FBXL13: variants seen among roughly 807,000 people sequenced by gnomAD.
FBXL13 encodes the protein F-box and leucine rich repeat protein 13, also known as F-box and leucine-rich repeat protein 13.
FBXL13 carries 67 observed loss-of-function variants against 83.6 expected under a neutral mutation model. That is an observed-to-expected ratio of 0.80 (90% CI 0.66 to 0.98). The LOEUF is 0.98. FBXL13 is among the 50% of genes least tolerant of loss of function. FBXL13 has a pLI of 0.00. For missense variants in FBXL13, 822 were observed against 866.5 expected, an observed-to-expected ratio of 0.95 and a Z score of 0.64; for synonymous variants, 272 against 299.5, an observed-to-expected ratio of 0.91 and a Z score of 0.95.
chr7:102,904,562 T>C (rs1171235010), intron 11 of FBXL13, among the ~76,000 whole-genome samples: 1 of 152,068 alleles, frequency 6.6e-6, no homozygotes, highest in Non-Finnish European at 1.5e-5. Flanking sequence ...TGATCTTTTT[T>C]TGTTGTCATT....
intron 18 of FBXL13, among the ~76,000 whole-genome samples, chr7:102,825,230 A>G (rs911264028): frequency 2.6e-5 from 4 of 152,300 alleles, no homozygotes; most frequent in Non-Finnish European, 5.9e-5. Context: ...ACTTAACCCA[A>G]GATGTGGCAG....
intron 11 of FBXL13, among the ~76,000 whole-genome samples, chr7:102,898,801 G>A (rs1812605013): frequency 6.6e-6 from 1 of 152,150 alleles, no homozygotes. Context: ...TGTGACTAAT[G>A]GTGAGAAACC....
exon 15 of FBXL13, chr7:102,878,342 T>C: frequency 6.2e-7 from 1 of 1,603,506 alleles, no homozygotes; most frequent in Non-Finnish European, 8.5e-7. Context: ...GCTCAGATAG[T>C]TTCATAACAG....
chr7:102,845,103 T>G (rs1182354183), intron 17 of FBXL13, among the ~76,000 whole-genome samples: 1 of 152,076 alleles, frequency 6.6e-6, no homozygotes, highest in Non-Finnish European at 1.5e-5. Context: ...GGGGGCTTCG[T>G]CATATAGACA....
At chr7:102,834,983 C>A (rs1801622836) in intron 17 of FBXL13, among the ~76,000 whole-genome samples, 1 of 150,142 alleles carries the variant, frequency 6.7e-6, no homozygotes, top group South Asian at 2.1e-4. Flanking sequence ...AAATTTTAAG[C>A]CATTAAAAAG....
At chr7:102,930,851 G>T (rs1317362445) in intron 9 of FBXL13, among the ~76,000 whole-genome samples, 45 of 152,128 alleles carry the variant, frequency 3.0e-4, no homozygotes, top group Non-Finnish European at 5.9e-5. Flanking sequence ...AGTCAATGTT[G>T]TCCATTGCCT....
intron 11 of FBXL13, among the ~76,000 whole-genome samples, chr7:102,891,300 C>T (rs1375824141): frequency 1.3e-5 from 2 of 152,184 alleles, no homozygotes; most frequent in Non-Finnish European, 2.9e-5. Flanking sequence ...ATTCACTACG[C>T]ACTTCTTGCT....
intron 10 of FBXL13, 41 bp from the exon 12 acceptor site, chr7:102,913,256 G>C: frequency 6.2e-7 from 1 of 1,609,966 alleles, no homozygotes; most frequent in Non-Finnish European, 8.5e-7. Flanking sequence ...TTATACTTCC[G>C]TTGTTCTCTC....
chr7:102,822,180 C>G (rs765102699), exon 19 of FBXL13: 1 of 1,614,122 alleles, frequency 6.2e-7, no homozygotes, highest in Non-Finnish European at 8.5e-7. Context: ...TTGCCGATAA[C>G]ATCTCCATTG....
chr7:103,062,949 C>A (rs922119949), intron 1 of FBXL13, among the ~76,000 whole-genome samples: 1 of 152,140 alleles, frequency 6.6e-6, no homozygotes, highest in African/African-American at 2.4e-5. Context: ...CTAGTGTATC[C>A]CCCTCAGCTG....
chr7:102,865,194 T>G (rs995392693), intron 16 of FBXL13, among the ~76,000 whole-genome samples: 1 of 152,264 alleles, frequency 6.6e-6, no homozygotes, highest in African/African-American at 2.4e-5. Context: ...TGGCATACTC[T>G]CAGAATTTTT....
rs200693598 is a variant in FBXL13 at position 102,969,854 on chromosome 7, GGAAAAGAAAA to G, written c.496-1747_496-1738del. 4.1e-3 allele frequency among the ~76,000 whole-genome samples: 555 copies of G among 135,256 alleles called. 9 individuals are homozygous for G. Among genetic ancestry groups the G allele is most frequent in the Admixed American group, 0.029 (380 of 12,914 alleles). 88.7% of individuals were successfully genotyped at this position (135,256 alleles called of 152,430 possible). A position where few individuals can be genotyped will look rare whatever the true frequency, so the allele number is the denominator to read the frequency against. On this transcript the variant is annotated intron_variant, in intron 6 of 19. Transcript: ENST00000313221. ...GGGAGGGGAGGGGAGGGGAGGGGAGGGAAAAGAAAAGAAAAGAAAAGGAAAGAAAAGAAAA... is the reference window on the plus strand; with the variant it reads ...GGGAGGGGAGGGGAGGGGAGGGGAGGGAAAAGAAAAGGAAAGAAAAGAAAA...
At chr7:102,834,405 TTA>T (rs1028276155) in intron 17 of FBXL13, among the ~76,000 whole-genome samples, 17 of 146,412 alleles carry the variant, frequency 1.2e-4, no homozygotes, top group African/African-American at 2.2e-4. Flanking sequence ...TTATATGCGA[TTA>T]TATATATATT....
chr7:102,972,743 A>G (rs1826870737), intron 6 of FBXL13, among the ~76,000 whole-genome samples: 1 of 151,654 alleles, frequency 6.6e-6, no homozygotes, highest in East Asian at 1.9e-4. Flanking sequence ...ATAAAAAGAT[A>G]ATAAATAGTA....
At chr7:102,898,575 G>GC (rs1812567880) in intron 11 of FBXL13, among the ~76,000 whole-genome samples, 1 of 152,116 alleles carries the variant, frequency 6.6e-6, no homozygotes, top group Non-Finnish European at 1.5e-5. Context: ...ACAAGCATGA[G>GC]CCACCGTGCC....
chr7:102,879,988 G>A (rs957233198), intron 14 of FBXL13, among the ~76,000 whole-genome samples: 3 of 152,250 alleles, frequency 2.0e-5, no homozygotes, highest in Admixed American at 6.5e-5. Flanking sequence ...TTACAGGCGT[G>A]AGCCACCACG....
chr7:102,814,479 GAGATAACAGTTTAAA>G (rs781623267), intron 19 of FBXL13: 6 of 152,172 alleles, frequency 3.9e-5, no homozygotes, highest in Non-Finnish European at 8.8e-5. Flanking sequence ...CAACAACATA[GAGATAACAGTTTAAA>G]ATGCTATTTC....
chr7:102,906,555 A>C (rs772827371), intron 11 of FBXL13, among the ~76,000 whole-genome samples: 91 of 152,178 alleles, frequency 6.0e-4, no homozygotes, highest in Non-Finnish European at 1.9e-4. Context: ...GAAGTCCCTC[A>C]GCTTTTGTCT....
chr7:102,975,535 T>G (rs1827313294), intron 6 of FBXL13, among the ~76,000 whole-genome samples: 1 of 152,182 alleles, frequency 6.6e-6, no homozygotes, highest in Non-Finnish European at 1.5e-5. Context: ...CATGATTGTG[T>G]GCCTCCTTGC....
Sources: gnomAD v4.1 joint callset for allele counts (sites outside exome capture counted in the v4.1 genomes callset) on GRCh38, gnomAD v4.1.1 for gene constraint, MANE v1.5 for transcripts, NCBI Gene and HGNC (gene_info 2026-07-23, HGNC 2026-07-21) for gene names.